The following CEP63 variants were observed in gnomAD, a reference collection of about 807,000 sequenced individuals.
CEP63 encodes the protein centrosomal protein 63.
Under a neutral mutation model 89.1 loss-of-function variants are expected in CEP63, and 84 were observed. The ratio of observed to expected loss-of-function variants is 0.94; its 90% CI spans 0.79 to 1.13. The LOEUF is 1.13. Among genes scored for constraint, CEP63 ranks in the 50% most tolerant of loss-of-function variants. CEP63 has a pLI of 0.00. For synonymous variants in CEP63, 267 were observed against 272.5 expected (o/e 0.98, Z 0.20); for missense variants, 838 against 813.3 (o/e 1.03, Z -0.37).
the CEP63 span, among the ~76,000 whole-genome samples, chr3:134,655,392 G>A: frequency 6.6e-6 from 1 of 152,236 alleles, no homozygotes; most frequent in Non-Finnish European, 1.5e-5. Context: ...GCTGCAGCCT[G>A]TTTGGCAGGA....
chr3:134,671,511 A>T, the CEP63 span, among the ~76,000 whole-genome samples: 1 of 152,250 alleles, frequency 6.6e-6, no homozygotes, highest in Non-Finnish European at 1.5e-5. Flanking sequence ...AGAAAATCTG[A>T]AGCAAACATA....
At chr3:134,681,280 T>G in the CEP63 span, among the ~76,000 whole-genome samples, 45,670 of 152,054 alleles carry the variant, frequency 0.3, 7,475 homozygotes, top group African/African-American at 0.44. Flanking sequence ...GAGGGACGGT[T>G]GCCTGGCACC....
chr3:134,511,112 G>T, intron 3 of CEP63: 1 of 167,012 alleles, frequency 6.0e-6, no homozygotes, highest in South Asian at 1.4e-4. Context: ...TTTAATTGTT[G>T]GCACCAGGCA....
At chr3:134,512,104 A>G (rs769142454) in intron 3 of CEP63, among the ~76,000 whole-genome samples, 1 of 152,180 alleles carries the variant, frequency 6.6e-6, no homozygotes, top group African/African-American at 2.4e-5. Context: ...GTGTATATCC[A>G]TCTTTTGCTG....
At chr3:134,554,652 T>C (rs1245765773) in intron 12 of CEP63, among the ~76,000 whole-genome samples, 6 of 151,958 alleles carry the variant, frequency 3.9e-5, no homozygotes, top group Non-Finnish European at 5.9e-5. Context: ...CCCTGAGGAA[T>C]CGCCACACTG....
intron 3 of CEP63, among the ~76,000 whole-genome samples, chr3:134,525,676 A>G (rs981460279): frequency 6.6e-6 from 1 of 152,070 alleles, no homozygotes; most frequent in African/African-American, 2.4e-5. Flanking sequence ...TTTGCTTTCC[A>G]TATGTGGTGC....
At chr3:134,735,800 C>T in the CEP63 span, among the ~76,000 whole-genome samples, 3 of 151,988 alleles carry the variant, frequency 2.0e-5, no homozygotes, top group African/African-American at 7.2e-5. Context: ...AATCTAAAAA[C>T]AAAAAGCAAA....
the CEP63 span, among the ~76,000 whole-genome samples, chr3:134,711,578 G>A: frequency 1.3e-5 from 2 of 152,152 alleles, no homozygotes; most frequent in Non-Finnish European, 1.5e-5. Context: ...ACCACTTTGA[G>A]ACTCTGAATG....
At position 134,537,268 on chromosome 3, in the gene CEP63, G is replaced by A; in HGVS notation, c.555G>A (p.Gln185=). Residue 185 remains glutamine (Q), a splice_region_variant and synonymous_variant, in exon 6 of 15, where the codon CAG becomes CAA. Coordinates refer to ENST00000675561, the MANE Select transcript of CEP63 (RefSeq NM_001353108.3). Reference sequence around the variant, plus strand: ...TGGCTGAACAATCAGAGATAATTCAGGTAGGCCTAAGACTTTTTAAAATAA... The same window carrying A: ...TGGCTGAACAATCAGAGATAATTCAAGTAGGCCTAAGACTTTTTAAAATAA... The part of the protein sequence containing the change: ...KALAEQSEII[Q]AQLVNRKQKL... 1.9e-6 allele frequency: 3 copies of A among 1,583,786 alleles called. No individual in the cohort carries two copies. In the South Asian group the frequency reaches 3.3e-5, roughly 18 times the overall value.
chr3:134,538,533 G>GTATATATATATATA (rs1404514000), intron 6 of CEP63, among the ~76,000 whole-genome samples: 4 of 101,366 alleles, frequency 3.9e-5, no homozygotes, highest in South Asian at 3.4e-4. Flanking sequence ...GTGTGTGTGT[G>GTATATATATATATA]TATATATATA....
At chr3:134,602,264 C>G in the CEP63 span, among the ~76,000 whole-genome samples, 4 of 152,120 alleles carry the variant, frequency 2.6e-5, no homozygotes, top group Non-Finnish European at 5.9e-5. Flanking sequence ...CTTATCTGCC[C>G]TCGCTGAAGT....
chr3:134,595,140 T>A, the CEP63 span, among the ~76,000 whole-genome samples: 1 of 152,204 alleles, frequency 6.6e-6, no homozygotes, highest in Non-Finnish European at 1.5e-5. Context: ...CCACGTGTCA[T>A]GGGAGGGACC....
chr3:134,506,192 TTC>T (rs1191381734), intron 2 of CEP63, among the ~76,000 whole-genome samples: 1 of 152,206 alleles, frequency 6.6e-6, no homozygotes, highest in East Asian at 1.9e-4. Flanking sequence ...CTGTGTCCAC[TTC>T]TGTTTCTCAG....
chr3:134,499,209 G>A (rs1941189868), intron 2 of CEP63, among the ~76,000 whole-genome samples: 1 of 152,156 alleles, frequency 6.6e-6, no homozygotes, highest in South Asian at 2.1e-4. Flanking sequence ...GTTCAGTCAT[G>A]TTACTCATTA....
intron 3 of CEP63, among the ~76,000 whole-genome samples, chr3:134,518,327 A>G (rs1946662059): frequency 6.6e-6 from 1 of 152,226 alleles, no homozygotes; most frequent in African/African-American, 2.4e-5. Context: ...ATTAATCTAA[A>G]TAGAACATTG....
Position 134,495,351 on chromosome 3 carries a change from C to G in CEP63, c.31C>G (p.Arg11Gly). The change falls in exon 2 of 15, where the codon CGA becomes GGA. Residue 11 changes from arginine to glycine, a missense_variant. Coordinates refer to ENST00000675561, the MANE Select transcript of CEP63 (RefSeq NM_001353108.3). MEALLEGIQN[R>G]GHGGGFLTSC... The stretch of plus-strand genomic sequence containing the variant: ...GGCTTTGTTAGAAGGAATACAAAAT[C>G]GAGGGCATGGTGGGTAAGTTTGCTT... 6.2e-7 allele frequency: 1 copy of G among 1,612,872 alleles called. No individual in the cohort carries two copies. Among genetic ancestry groups the G allele is most frequent in the Non-Finnish European group, 8.5e-7 (1 of 1,179,186 alleles).
intron 10 of CEP63, among the ~76,000 whole-genome samples, chr3:134,549,715 A>G (rs1249086711): frequency 2.0e-5 from 3 of 152,110 alleles, no homozygotes; most frequent in Non-Finnish European, 4.4e-5. Context: ...TATCCTGTGG[A>G]CTAAGATACC....
the CEP63 span, among the ~76,000 whole-genome samples, chr3:134,721,687 T>C: frequency 0.029 from 4,427 of 152,292 alleles, 211 homozygotes; most frequent in African/African-American, 0.1. Flanking sequence ...TGAAATAATA[T>C]TGATTTTTGT....
the CEP63 span, among the ~76,000 whole-genome samples, chr3:134,774,096 C>T: frequency 1.3e-3 from 205 of 152,306 alleles, no homozygotes; most frequent in Non-Finnish European, 2.5e-3. Flanking sequence ...GAAAGCACAT[C>T]CCTCTGGGGC....
Sources: gnomAD v4.1 joint callset for allele counts (sites outside exome capture counted in the v4.1 genomes callset) on GRCh38, gnomAD v4.1.1 for gene constraint, MANE v1.5 for transcripts, NCBI Gene and HGNC (gene_info 2026-07-23, HGNC 2026-07-21) for gene names.